RUNX1: variants seen among roughly 807,000 people sequenced by gnomAD.
RUNX1 encodes the protein RUNX family transcription factor 1.
In RUNX1, 19 loss-of-function variants were observed where a neutral mutation model predicts 42.8. That is an observed-to-expected ratio of 0.44 (90% CI 0.31 to 0.65). The LOEUF (loss-of-function observed/expected upper bound fraction) is 0.65. Among genes scored for constraint, RUNX1 ranks in the 30% least tolerant of loss-of-function variants. The pLI is 0.07. For missense variants in RUNX1, 528 were observed against 672.0 expected (o/e 0.79, Z 2.37); for synonymous variants, 271 against 289.4 (o/e 0.94, Z 0.64).
chr21:34,880,730 G>A lies in RUNX1; in HGVS notation c.352-17C>T, dbSNP rs2057890845. On this transcript the variant is annotated splice_polypyrimidine_tract_variant and intron_variant, in intron 4 of 8. Coordinates refer to ENST00000675419, the MANE Select transcript of RUNX1 (RefSeq NM_001754.5). The stretch of plus-strand genomic sequence containing the variant: ...GGCCACCACCTAAACACCAGTCAAA[G>A]GACAAATGCAGACATCAGGGATGTT... 1.9e-6 allele frequency: 3 copies of A among 1,613,760 alleles called. No individual in the cohort carries two copies. The highest frequency in any genetic ancestry group is 1.1e-5 in the South Asian group (1 of 91,064).
Position 34,842,954 on chromosome 21 carries a change from G to A in RUNX1, c.614-8353C>T, listed in dbSNP as rs1395338906. ...ATGGTGGCACGTGCCTGTAGTCCCA[G>A]TTACAAGTAAGTGGCTGAGGCAGAA... is the stretch of plus-strand genomic sequence containing the variant. On this transcript the variant is annotated intron_variant, in intron 6 of 8. Coordinates refer to ENST00000675419, the MANE Select transcript of RUNX1 (RefSeq NM_001754.5). 4.6e-5 allele frequency among the ~76,000 whole-genome samples: 7 copies of A among 152,238 alleles called. No individual in the cohort carries two copies. In the South Asian group the frequency reaches 6.2e-4, roughly 14 times the overall value.
intron 2 of RUNX1, among the ~76,000 whole-genome samples, chr21:35,021,335 G>C (rs901295393): frequency 2.6e-5 from 4 of 152,198 alleles, no homozygotes; most frequent in Admixed American, 2.6e-4. Context: ...AGCGAGCACT[G>C]TCTAAGTGTT....
chr21:34,910,583 C>T (rs961533533), intron 2 of RUNX1, among the ~76,000 whole-genome samples: 8 of 152,226 alleles, frequency 5.3e-5, no homozygotes, highest in Admixed American at 3.3e-4. Context: ...CAGTGAAACC[C>T]TGCAATTGTT....
chr21:34,865,288 G>GTT (rs2057643327), intron 5 of RUNX1, among the ~76,000 whole-genome samples: 1 of 111,238 alleles, frequency 9.0e-6, no homozygotes, highest in Admixed American at 7.9e-5. Context: ...GCGTGTGTGT[G>GTT]TGTGTGTGTG....
intron 7 of RUNX1, among the ~76,000 whole-genome samples, chr21:34,822,975 T>C (rs748456835): frequency 6.6e-6 from 1 of 152,198 alleles, no homozygotes; most frequent in Non-Finnish European, 1.5e-5. Flanking sequence ...ACTGGACATA[T>C]GTAGTCCTTC....
At chr21:34,797,691 T>C (rs1206250651) in intron 8 of RUNX1, among the ~76,000 whole-genome samples, 1 of 152,228 alleles carries the variant, frequency 6.6e-6, no homozygotes, top group African/African-American at 2.4e-5. Context: ...TGTGCTACTC[T>C]CAATGCCTTG....
In RUNX1 at chr21:34,994,040, G is replaced by A. The variant is rs569614599; in HGVS notation, c.58+54802C>T. 5.9e-5 allele frequency among the ~76,000 whole-genome samples: 9 copies of A among 152,278 alleles called. 1 individual carries two copies. The South Asian group carries it at 1.7e-3, about 28-fold the overall frequency. On this transcript the variant is annotated intron_variant, in intron 2 of 8. Transcript: ENST00000675419. ...CCCTCCGGGCCGGCTGGCAACATACGGAATTGTCTCAAAAGCCCCGTTAGC... is the reference window on the plus strand; with the variant it reads ...CCCTCCGGGCCGGCTGGCAACATACAGAATTGTCTCAAAAGCCCCGTTAGC...
At chr21:34,888,380 A>G in intron 3 of RUNX1, 5 of 1,067,712 alleles carry the variant, frequency 4.7e-6, no homozygotes, top group African/African-American at 1.6e-5. Flanking sequence ...CTCGCCTCGG[A>G]CCACAGAGCA....
At chr21:34,922,170 G>T (rs532046593) in intron 2 of RUNX1, among the ~76,000 whole-genome samples, 2 of 152,084 alleles carry the variant, frequency 1.3e-5, no homozygotes, top group Non-Finnish European at 2.9e-5. Context: ...GACTGTAAGT[G>T]GGGGGCTCGA....
chr21:34,974,052 A>G (rs1032596100), intron 2 of RUNX1, among the ~76,000 whole-genome samples: 1 of 152,184 alleles, frequency 6.6e-6, no homozygotes, highest in Non-Finnish European at 1.5e-5. Context: ...ATGGAGCTTT[A>G]GGCTATGCTC....
At chr21:35,027,092 T>C (rs1038652141) in intron 2 of RUNX1, among the ~76,000 whole-genome samples, 24 of 152,160 alleles carry the variant, frequency 1.6e-4, no homozygotes, top group African/African-American at 4.8e-4. Flanking sequence ...GTGAAAACTC[T>C]GCAGGTGCAG....
chr21:34,862,073 T>C (rs919258705), intron 5 of RUNX1, among the ~76,000 whole-genome samples: 3 of 151,310 alleles, frequency 2.0e-5, no homozygotes, highest in African/African-American at 7.3e-5. Flanking sequence ...GATAATGCCA[T>C]TGTCCCAGTC....
intron 2 of RUNX1, among the ~76,000 whole-genome samples, chr21:34,989,869 C>A (rs961514522): frequency 6.6e-6 from 1 of 152,178 alleles, no homozygotes; most frequent in South Asian, 2.1e-4. Context: ...GCTTTGCCTG[C>A]CACATCTGTA....
chr21:34,985,689 A>G (rs2058880401), intron 2 of RUNX1, among the ~76,000 whole-genome samples: 1 of 152,140 alleles, frequency 6.6e-6, no homozygotes, highest in African/African-American at 2.4e-5. Flanking sequence ...ACAGACAGAC[A>G]GGGACTGTTA....
chr21:34,916,922 T>C (rs1247671004), intron 2 of RUNX1, among the ~76,000 whole-genome samples: 1 of 152,194 alleles, frequency 6.6e-6, no homozygotes, highest in Non-Finnish European at 1.5e-5. Flanking sequence ...TCTAATTTTA[T>C]ACATAAAATA....
At chr21:34,981,854 C>T (rs993218146) in intron 2 of RUNX1, among the ~76,000 whole-genome samples, 10 of 152,060 alleles carry the variant, frequency 6.6e-5, no homozygotes, top group East Asian at 1.9e-4. Context: ...GTTCTGAGAC[C>T]GGTCTTTCTG....
chr21:34,964,528 A>G (rs537104605), intron 2 of RUNX1, among the ~76,000 whole-genome samples: 2 of 152,098 alleles, frequency 1.3e-5, no homozygotes, highest in South Asian at 4.1e-4. Flanking sequence ...TTCAGATGAC[A>G]AAGGAAGGTT....
At chr21:34,889,764 C>A (rs947365769) in intron 3 of RUNX1, 3 of 1,155,026 alleles carry the variant, frequency 2.6e-6, no homozygotes, top group Non-Finnish European at 2.1e-6. Flanking sequence ...GGGCCCCGCC[C>A]CCGGTCCGGC....
chr21:34,932,813 G>A (rs953726471), intron 2 of RUNX1, among the ~76,000 whole-genome samples: 6 of 152,048 alleles, frequency 3.9e-5, no homozygotes, highest in Non-Finnish European at 7.4e-5. Flanking sequence ...GTTAACCAAC[G>A]GTGCCTAGTG....
Sources: allele counts gnomAD v4.1 joint callset (sites outside exome capture counted in the v4.1 genomes callset), GRCh38; gene constraint gnomAD v4.1.1; transcripts MANE v1.5; gene names NCBI Gene and HGNC (gene_info 2026-07-23, HGNC 2026-07-21).